Variants in NANOS3 observed in about 807,000 individuals in gnomAD.
NANOS3 encodes the protein nanos C2HC-type zinc finger 3.
In NANOS3, 11 loss-of-function variants were observed where a neutral mutation model predicts 13.8. That is an observed-to-expected ratio of 0.80 (90% CI 0.50 to 1.32). NANOS3 has a LOEUF of 1.32. NANOS3 is among the 40% of genes most tolerant of loss of function. The pLI is 0.00. For missense variants in NANOS3, 221 were observed against 263.8 expected (o/e 0.84, Z 1.12); for synonymous variants, 119 against 115.4 (o/e 1.03, Z -0.20).
chr19:13,877,392 G>A lies in NANOS3; in HGVS notation c.144G>A (p.Pro48=), dbSNP rs1040457333. ...PMLEPVSALE[P]MPAPESVPVP... is the part of the protein sequence containing the mutation. Reference sequence around the variant, plus strand: ...TGGAGCCGGTGTCAGCCCTGGAGCCGATGCCAGCGCCGGAGTCGGTGCCAG... The same window carrying A: ...TGGAGCCGGTGTCAGCCCTGGAGCCAATGCCAGCGCCGGAGTCGGTGCCAG... The change falls in exon 1 of 2, where the codon CCG becomes CCA. Residue 48 remains proline (P), a synonymous_variant. Coordinates refer to ENST00000339133, the MANE Select transcript of NANOS3 (RefSeq NM_001098622.3). The A allele has an allele frequency of 9.3e-6, 15 of 1,612,470 alleles. No homozygotes were observed. Among genetic ancestry groups the A allele is most frequent in the South Asian group, 1.1e-5 (1 of 91,076 alleles).
rs201039110 is a variant in NANOS3, at chr19:13,877,344, C to T, written c.96C>T (p.Pro32=). ...AGGGTCCTGAAACCAGGCTGAGCCCCCAGCCAGAGCCAGAGCCAATGCTGG... is the reference window on the plus strand; with the variant it reads ...AGGGTCCTGAAACCAGGCTGAGCCCTCAGCCAGAGCCAGAGCCAATGCTGG... The part of the protein sequence containing the change: ...GKEGPETRLS[P]QPEPEPMLEP... The change falls in exon 1 of 2, where the codon CCC becomes CCT. Residue 32 remains proline (P), a synonymous_variant. Transcript: ENST00000339133. 1 of 1,608,974 alleles carries T rather than the reference C, an allele frequency of 6.2e-7. No individual in the cohort carries two copies.
chr19:13,872,358 AAAAG>A (rs1976341045), upstream of NANOS3, among the ~76,000 whole-genome samples: 4 of 141,958 alleles, frequency 2.8e-5, no homozygotes, highest in Non-Finnish European at 3.1e-5. Flanking sequence ...AAAAAAAAAA[AAAAG>A]AGAGAGAGAG....
chr19:13,868,066 TTGCTCTGTCACCCAGGCTGGAG>T (rs373601354), intron 1 of NANOS3, among the ~76,000 whole-genome samples: 2,017 of 151,402 alleles, frequency 0.013, 45 homozygotes, highest in African/African-American at 0.045. Context: ...AGACAGAGTC[TTGCTCTGTCACCCAGGCTGGAG>T]TGCTCTGTCA....
chr19:13,872,695 G>A (rs569098580), upstream of NANOS3, among the ~76,000 whole-genome samples: 1 of 152,354 alleles, frequency 6.6e-6, no homozygotes, highest in East Asian at 1.9e-4. Context: ...CCCTCGGAAG[G>A]GCCTGGACAC....
At chr19:13,872,888 G>C (rs1031067487), upstream of NANOS3, among the ~76,000 whole-genome samples, 47 of 152,320 alleles carry the variant, frequency 3.1e-4, no homozygotes, top group African/African-American at 1.1e-3. Flanking sequence ...TCTGGGGAAA[G>C]GGCTCTAGAA....
chr19:13,868,112 G>T (rs1433550370), intron 1 of NANOS3, among the ~76,000 whole-genome samples: 1 of 151,512 alleles, frequency 6.6e-6, no homozygotes, highest in East Asian at 1.9e-4. Context: ...AGGCTGGAGT[G>T]CAGTGACACA....
chr19:13,862,990 G>T (rs1004561207), upstream of NANOS3, among the ~76,000 whole-genome samples: 6 of 152,242 alleles, frequency 3.9e-5, no homozygotes, highest in Non-Finnish European at 7.3e-5. Context: ...CAGGAAGAAG[G>T]TTCGAAGATA....
chr19:13,873,086 G>A (rs958410427), upstream of NANOS3, among the ~76,000 whole-genome samples: 1 of 152,166 alleles, frequency 6.6e-6, no homozygotes, highest in African/African-American at 2.4e-5. Flanking sequence ...GGCTCTAAGG[G>A]GGCGGGCCCT....
chr19:13,874,999 G>A (rs1479473518), upstream of NANOS3: 1 of 504,332 alleles, frequency 2.0e-6, no homozygotes, highest in Admixed American at 2.1e-5. Context: ...CACGGCTTAA[G>A]GGGAATGGGG....
intron 1 of NANOS3, among the ~76,000 whole-genome samples, chr19:13,871,997 TCAAAACAAAA>T (rs370684179): frequency 2.6e-5 from 4 of 151,158 alleles, no homozygotes; most frequent in Admixed American, 1.3e-4. Context: ...AGACCCCGTC[TCAAAACAAAA>T]CAAAACAAAA....
chr19:13,864,108 C>T (rs1405926052), upstream of NANOS3, among the ~76,000 whole-genome samples: 2 of 152,060 alleles, frequency 1.3e-5, no homozygotes, highest in Non-Finnish European at 2.9e-5. Context: ...TGTGACCTTC[C>T]TCTACCAGCC....
chr19:13,865,605 G>A (rs1427391683), intron 1 of NANOS3, among the ~76,000 whole-genome samples: 1 of 149,238 alleles, frequency 6.7e-6, no homozygotes, highest in East Asian at 2.0e-4. Context: ...CATTGTTGTT[G>A]GGGCTTGGAA....
chr19:13,862,751 C>T, upstream of NANOS3, among the ~76,000 whole-genome samples: 1 of 152,082 alleles, frequency 6.6e-6, no homozygotes, highest in East Asian at 1.9e-4. Flanking sequence ...GTTGGTCAGG[C>T]TGGTCTCGAA....
chr19:13,867,624 C>T (rs970982793), intron 1 of NANOS3, among the ~76,000 whole-genome samples: 5 of 151,982 alleles, frequency 3.3e-5, no homozygotes, highest in Non-Finnish European at 7.4e-5. Context: ...TTCAGTGGCA[C>T]GATCATAGCT....
intron 1 of NANOS3, among the ~76,000 whole-genome samples, chr19:13,871,191 C>T (rs139233945): frequency 6.6e-6 from 1 of 152,014 alleles, no homozygotes; most frequent in East Asian, 1.9e-4. Flanking sequence ...ACAGGTATCA[C>T]GGTCACCAGT....
chr19:13,872,536 G>A (rs1354916753), upstream of NANOS3, among the ~76,000 whole-genome samples: 1 of 152,142 alleles, frequency 6.6e-6, no homozygotes, highest in Non-Finnish European at 1.5e-5. Flanking sequence ...TCCACAAAAT[G>A]GGTATATCCT....
upstream of NANOS3, among the ~76,000 whole-genome samples, chr19:13,863,406 C>G (rs1419660453): frequency 2.0e-5 from 3 of 152,038 alleles, no homozygotes; most frequent in African/African-American, 7.2e-5. Flanking sequence ...TTTGTAGAGA[C>G]AGTGTCTCGC....
intron 1 of NANOS3, among the ~76,000 whole-genome samples, 187 bp from the exon 2 acceptor site, chr19:13,880,255 G>C (rs2145084973): frequency 6.6e-6 from 1 of 152,264 alleles, no homozygotes; most frequent in East Asian, 1.9e-4. Context: ...CCTGTGCTTT[G>C]TCTCGGGCTC....
chr19:13,873,010 G>C (rs1401722563), upstream of NANOS3, among the ~76,000 whole-genome samples: 1 of 151,872 alleles, frequency 6.6e-6, no homozygotes, highest in African/African-American at 2.4e-5. Flanking sequence ...GGACCTTAGT[G>C]GGGGGTTGGG....
Sources: allele counts gnomAD v4.1 joint callset (sites outside exome capture counted in the v4.1 genomes callset), GRCh38; gene constraint gnomAD v4.1.1; transcripts MANE v1.5; gene names NCBI Gene and HGNC (gene_info 2026-07-23, HGNC 2026-07-21).